ABCA13: variants seen among roughly 807,000 people sequenced by gnomAD.
ABCA13 encodes the protein ATP binding cassette subfamily A member 13, also known as ATP-binding cassette sub-family A member 13.
A neutral mutation model predicts 478.7 loss-of-function variants in ABCA13; 476 were observed. The ratio of observed to expected loss-of-function variants is 0.99; its 90% CI spans 0.92 to 1.07. The LOEUF (loss-of-function observed/expected upper bound fraction) is 1.07. Among genes scored for constraint, ABCA13 ranks in the 50% least tolerant of loss-of-function variants. The pLI is 0.00. For synonymous variants in ABCA13, 2,252 were observed against 2,158.9 expected (o/e 1.04, Z -1.20); for missense variants, 6,060 against 5,910.6 (o/e 1.03, Z -0.83).
intron 43 of ABCA13, among the ~76,000 whole-genome samples, chr7:48,462,514 T>G (rs574761318): frequency 2.8e-4 from 42 of 151,954 alleles, no homozygotes; most frequent in African/African-American, 8.9e-4. Flanking sequence ...GTAATTTTTT[T>G]GGGGGGTGGG....
intron 55 of ABCA13, among the ~76,000 whole-genome samples, chr7:48,536,956 A>T (rs892554925): frequency 4.6e-5 from 7 of 151,996 alleles, no homozygotes; most frequent in African/African-American, 1.7e-4. Flanking sequence ...TTAGAAACTC[A>T]TTAATTTAAT....
chr7:48,329,643 A>G (rs1804897046), intron 27 of ABCA13, among the ~76,000 whole-genome samples: 2 of 151,862 alleles, frequency 1.3e-5, no homozygotes. Context: ...CCATGCATCC[A>G]TCCATCTACT....
intron 57 of ABCA13, among the ~76,000 whole-genome samples, chr7:48,588,747 T>C (rs150303476): frequency 6.6e-6 from 1 of 152,178 alleles, no homozygotes; most frequent in Non-Finnish European, 1.5e-5. Flanking sequence ...TAAACCACAG[T>C]AAATATTCGT....
At chr7:48,249,450 C>T in intron 15 of ABCA13, 99 bp downstream of exon 15, 1 of 1,491,676 alleles carries the variant, frequency 6.7e-7, no homozygotes, top group South Asian at 1.3e-5. Context: ...CAAAGCGGGG[C>T]TTAAAATGGG....
At position 48,193,293 on chromosome 7, in the gene ABCA13, A is replaced by C. The variant is rs907301116; in HGVS notation, c.163+241A>C. Among the ~76,000 whole-genome samples the C allele has an allele frequency of 2.3e-4, 35 of 152,206 alleles. 2 individuals are homozygous for C. The highest frequency in any genetic ancestry group is 8.0e-4 in the African/African-American group (33 of 41,448). Reference sequence around the variant, plus strand: ...GCACATAGATTTATTCTTCCAATTAAAACTGACACAATCTGGGCATAAGTA... The same window carrying C: ...GCACATAGATTTATTCTTCCAATTACAACTGACACAATCTGGGCATAAGTA... On this transcript the variant is annotated intron_variant, in intron 2 of 61. Transcript: ENST00000435803.
chr7:48,373,761 T>A (rs578032952), intron 33 of ABCA13, among the ~76,000 whole-genome samples: 1 of 152,382 alleles, frequency 6.6e-6, no homozygotes, highest in African/African-American at 2.4e-5. Context: ...ATTCGTGGGT[T>A]CTGTGCACAT....
At chr7:48,404,019 A>G (rs1429321528) in intron 39 of ABCA13, 140 bp downstream of exon 39, 8 of 1,006,236 alleles carry the variant, frequency 8.0e-6, no homozygotes, top group Non-Finnish European at 1.2e-5. Flanking sequence ...TTTTAAAAGC[A>G]CTTATAGGGA....
At chr7:48,559,857 A>G (rs1005782802) in intron 55 of ABCA13, among the ~76,000 whole-genome samples, 1 of 152,146 alleles carries the variant, frequency 6.6e-6, no homozygotes, top group Non-Finnish European at 1.5e-5. Context: ...TGGAGGCCTC[A>G]TGAATTTGCC....
intron 56 of ABCA13, 112 bp downstream of exon 56, chr7:48,580,486 C>A: frequency 1.0e-6 from 1 of 959,786 alleles, no homozygotes; most frequent in Non-Finnish European, 1.5e-6. Context: ...ACTGTAGTAT[C>A]AGATAAACTT....
chr7:48,603,702 T>C lies in ABCA13; in HGVS notation c.14744+8889T>C, dbSNP rs189548329. On this transcript the variant is annotated intron_variant, in intron 58 of 61. Coordinates refer to ENST00000435803, the MANE Select transcript of ABCA13 (RefSeq NM_152701.5). ...GGCCTAAAATTTTCTTTTTTTGTTC[T>C]TTTTCTGCCAGGTTTTGGTATCAGG... 39 of 195,302 alleles carry C rather than the reference T, an allele frequency of 2.0e-4. No homozygotes were observed. In the East Asian group the frequency reaches 6.6e-3, roughly 33 times the overall value. 12.1% of individuals were successfully genotyped at this position (195,302 alleles called of 1,614,324 possible).
In ABCA13 at chr7:48,348,914, T is replaced by A. The variant is rs184016868; in HGVS notation, c.10205-1729T>A. On this transcript the variant is annotated intron_variant, in intron 29 of 61. Transcript: ENST00000435803. Reference sequence around the variant, plus strand: ...ATTTTTAACACACAGTAAGCAGAAGTTTCATATGGTTCCACTCAATATAAA... The same window carrying A: ...ATTTTTAACACACAGTAAGCAGAAGATTCATATGGTTCCACTCAATATAAA... Among the ~76,000 whole-genome samples, 260 of 152,322 alleles carry A rather than the reference T, an allele frequency of 1.7e-3. 1 individual carries two copies. Among genetic ancestry groups the A allele is most frequent in the Middle Eastern group, 0.01 (3 of 294 alleles).
At chr7:48,327,826 A>G (rs1043151683) in intron 27 of ABCA13, among the ~76,000 whole-genome samples, 1 of 152,218 alleles carries the variant, frequency 6.6e-6, no homozygotes. Context: ...AATGCATGGC[A>G]TTTCACCCAT....
intron 27 of ABCA13, among the ~76,000 whole-genome samples, chr7:48,320,241 T>G (rs1178452134): frequency 6.6e-6 from 1 of 152,232 alleles, no homozygotes; most frequent in Non-Finnish European, 1.5e-5. Flanking sequence ...TTGTATGAAG[T>G]GTTTGCTGCA....
intron 29 of ABCA13, among the ~76,000 whole-genome samples, chr7:48,344,734 C>A (rs1807790638): frequency 6.6e-6 from 1 of 152,158 alleles, no homozygotes; most frequent in South Asian, 2.1e-4. Context: ...GAGGCTTTGC[C>A]CATTCGTGTC....
intron 3 of ABCA13, among the ~76,000 whole-genome samples, chr7:48,212,523 G>A (rs1180254275): frequency 3.3e-5 from 5 of 152,166 alleles, no homozygotes; most frequent in African/African-American, 7.2e-5. Context: ...CTGTTTGTTC[G>A]AAAGTGTTGT....
At chr7:48,619,855 G>A (rs1478834313) in intron 59 of ABCA13, among the ~76,000 whole-genome samples, 1 of 152,078 alleles carries the variant, frequency 6.6e-6, no homozygotes, top group East Asian at 1.9e-4. Flanking sequence ...CCAGACCCAG[G>A]GCTCTTATAT....
At chr7:48,387,023 C>T (rs576382398) in intron 35 of ABCA13, among the ~76,000 whole-genome samples, 2 of 152,222 alleles carry the variant, frequency 1.3e-5, no homozygotes, top group South Asian at 2.1e-4. Flanking sequence ...TACATGTGCT[C>T]TCCTTTGAGT....
At chr7:48,596,581 C>T (rs549844297) in intron 58 of ABCA13, among the ~76,000 whole-genome samples, 5 of 152,182 alleles carry the variant, frequency 3.3e-5, no homozygotes, top group Admixed American at 2.0e-4. Context: ...GAGGCCAAGG[C>T]GGGCGGATCA....
Position 48,410,526 on chromosome 7 carries a change from C to T in ABCA13, c.12077C>T (p.Thr4026Met), listed in dbSNP as rs200884155. The T allele has an allele frequency of 5.8e-5, 94 of 1,614,026 alleles. No homozygotes were observed. Among genetic ancestry groups the T allele is most frequent in the African/African-American group, 4.4e-4 (33 of 75,062 alleles). ...ACCCTGTGCTTGGACCCAGGTCGTA[C>T]GATCATCTTCACAACCCACCACCTG... ...DILLKYREGR[T>M]IIFTTHHLDE... Residue 4026 changes from threonine (T) to methionine (M), a missense_variant, in exon 40 of 62, where the codon ACG becomes ATG. Coordinates refer to ENST00000435803, the MANE Select transcript of ABCA13 (RefSeq NM_152701.5).
Sources: gnomAD v4.1 joint callset for allele counts (sites outside exome capture counted in the v4.1 genomes callset) on GRCh38, gnomAD v4.1.1 for gene constraint, MANE v1.5 for transcripts, NCBI Gene and HGNC (gene_info 2026-07-23, HGNC 2026-07-21) for gene names.